The following TCIRG1 variants were observed in gnomAD, a reference collection of about 807,000 sequenced individuals.
TCIRG1 encodes the protein T cell immune regulator 1, ATPase H+ transporting V0 subunit a3.
Under a neutral mutation model 95.5 loss-of-function variants are expected in TCIRG1, and 86 were observed. The ratio of observed to expected loss-of-function variants is 0.90; its 90% CI spans 0.76 to 1.08. The LOEUF (loss-of-function observed/expected upper bound fraction) is 1.08, where lower values mean the gene tolerates loss of function less well. Ranked by LOEUF, TCIRG1 falls within the 50% of genes least tolerant of loss-of-function variation. The pLI is 0.00. For synonymous variants in TCIRG1, 499 were observed against 501.3 expected, an observed-to-expected ratio of 1.00 and a Z score of 0.06; for missense variants, 1,069 against 1,140.2, an observed-to-expected ratio of 0.94 and a Z score of 0.90.
At chr11:68,040,610 G>A (rs1855110146) in intron 1 of TCIRG1, among the ~76,000 whole-genome samples, 2 of 152,202 alleles carry the variant, frequency 1.3e-5, no homozygotes, top group Non-Finnish European at 1.5e-5. Flanking sequence ...CATCCAGGGC[G>A]GGTTGGAGGT....
At chr11:68,050,292 T>A (rs762995152) in intron 18 of TCIRG1, 38 bp downstream of exon 18, 10 of 1,604,918 alleles carry the variant, frequency 6.2e-6, no homozygotes, top group Non-Finnish European at 8.5e-6. Flanking sequence ...CCCCAGCTCC[T>A]GGCTTCTCAC....
intron 10 of TCIRG1, among the ~76,000 whole-genome samples, chr11:68,045,489 A>G (rs1855433779): frequency 1.3e-5 from 2 of 151,874 alleles, no homozygotes; most frequent in Non-Finnish European, 2.9e-5. Flanking sequence ...TGGGAAGCTT[A>G]GTGACTGTTG....
chr11:68,048,108 GC>G (rs1855603004), intron 13 of TCIRG1, 136 bp downstream of exon 13: 2 of 819,526 alleles, frequency 2.4e-6, no homozygotes, highest in Non-Finnish European at 2.1e-6. Flanking sequence ...AGCACAAGAG[GC>G]AGACAAGCCT....
chr11:68,046,105 C>A (rs189268675), intron 10 of TCIRG1, among the ~76,000 whole-genome samples: 98 of 152,338 alleles, frequency 6.4e-4, no homozygotes, highest in African/African-American at 2.3e-3. Flanking sequence ...AAGCACCAGC[C>A]GTCGGGGCAG....
chr11:68,040,892 A>G lies in TCIRG1; in HGVS notation c.-4-376A>G, dbSNP rs185234765. 2.2e-4 allele frequency among the ~76,000 whole-genome samples: 34 copies of G among 152,284 alleles called. 2 individuals are homozygous for G. In the East Asian group the frequency reaches 6.2e-3, roughly 28 times the overall value. Reference sequence around the variant, plus strand: ...CCACCCCCGGGGCAGCCCTGGGCCTAAGTGCCTGGGCCAGTGGGGTCCTGT... The same window carrying G: ...CCACCCCCGGGGCAGCCCTGGGCCTGAGTGCCTGGGCCAGTGGGGTCCTGT... On this transcript the variant is annotated intron_variant, in intron 1 of 19. Coordinates refer to ENST00000265686, the MANE Select transcript of TCIRG1 (RefSeq NM_006019.4).
chr11:68,041,611 C>G (rs1263916514), intron 2 of TCIRG1, 142 bp from the exon 3 acceptor site: 1 of 773,926 alleles, frequency 1.3e-6, no homozygotes, highest in African/African-American at 1.7e-5. Context: ...GTGCTCTGAT[C>G]TGCGTCTTGT....
chr11:68,046,365 A>G (rs983799786), intron 10 of TCIRG1, among the ~76,000 whole-genome samples: 23 of 152,002 alleles, frequency 1.5e-4, no homozygotes, highest in African/African-American at 5.6e-4. Flanking sequence ...AAAGATGATG[A>G]GGTGTTGTCA....
chr11:68,049,175 T>C lies in TCIRG1; in HGVS notation c.1768T>C (p.Tyr590His), dbSNP rs1319607584. 2 of 1,613,926 alleles carry C rather than the reference T, an allele frequency of 1.2e-6. No homozygotes were observed. The highest frequency in any genetic ancestry group is 2.7e-5 in the African/African-American group (2 of 74,960). ...CGGTTACCTCGTGTTCCTAGTCATC[T>C]ACAAGTGGCTGTGTGTCTGGGCTGC... ...LFGYLVFLVI[Y>H]KWLCVWAARA... The change falls in exon 15 of 20, where the codon TAC (tyrosine) becomes CAC (histidine). Residue 590 changes from tyrosine (Y) to histidine (H), a missense_variant. Transcript: ENST00000265686.
chr11:68,039,349 C>T (rs1855052420), intron 1 of TCIRG1, among the ~76,000 whole-genome samples: 1 of 152,266 alleles, frequency 6.6e-6, no homozygotes, highest in African/African-American at 2.4e-5. Flanking sequence ...GCCTGGTGTG[C>T]GCGGAGCTTT....
intron 10 of TCIRG1, chr11:68,046,909 G>A (rs1438512315): frequency 2.2e-6 from 1 of 456,256 alleles, no homozygotes; most frequent in East Asian, 6.9e-5. Flanking sequence ...AACTTATGAA[G>A]TGGTCTGGTG....
intron 10 of TCIRG1, among the ~76,000 whole-genome samples, 181 bp from the exon 11 acceptor site, chr11:68,047,252 G>GCCCCCC (rs3075230): frequency 7.1e-5 from 2 of 28,088 alleles, no homozygotes; most frequent in Non-Finnish European, 1.3e-4. Context: ...CTCGGGTGAT[G>GCCCCCC]CCCCCCCCCC....
chr11:68,050,771 C>A lies in TCIRG1; in HGVS notation c.2445C>A (p.Gly815=), dbSNP rs150788130. 3.7e-6 allele frequency: 6 copies of A among 1,613,768 alleles called. No individual in the cohort carries two copies. The highest frequency in any genetic ancestry group is 1.3e-5 in the African/African-American group (1 of 74,936). The change falls in exon 20 of 20, where the codon GGC becomes GGA. Residue 815 remains glycine, a synonymous_variant. Transcript: ENST00000265686. ...AATTCCAGAACAAGTTCTACTCAGGCACGGGCTACAAGCTGAGTCCCTTCA... is the reference window on the plus strand; with the variant it reads ...AATTCCAGAACAAGTTCTACTCAGGAACGGGCTACAAGCTGAGTCCCTTCA... ...WVEFQNKFYS[G]TGYKLSPFTF...
In TCIRG1 at chr11:68,039,073, G is replaced by C. The variant is rs1482690419; in HGVS notation, c.-51G>C. ...GTTCTGAGTCCCGCCCGGCGTGCGC[G>C]GAGCGGGGCAGCCAGCAGCGGAGGC... On this transcript the variant is annotated 5_prime_UTR_variant, in exon 1 of 20. Coordinates refer to ENST00000265686, the MANE Select transcript of TCIRG1 (RefSeq NM_006019.4). 1 of 152,230 alleles carries C rather than the reference G, an allele frequency of 6.6e-6. No homozygotes were observed. The highest frequency in any genetic ancestry group is 1.5e-5 in the Non-Finnish European group (1 of 68,088). The allele number at this position is 152,230 out of a possible 1,614,324, so 9.4% of individuals were successfully genotyped here.
In TCIRG1 at chr11:68,047,469, C is replaced by G; in HGVS notation, c.1202C>G (p.Ala401Gly). The part of the protein sequence containing the change: ...YTIITFPFLF[A>G]VMFGDVGHGL... ...ATCATCACCTTCCCCTTCCTGTTTG[C>G]TGTGATGTTCGGGGATGTGGGCCAC... is the stretch of plus-strand genomic sequence containing the variant. Residue 401 changes from alanine to glycine, a missense_variant, in exon 11 of 20, where the codon GCT (alanine) becomes GGT (glycine). Transcript: ENST00000265686. 1.2e-6 allele frequency: 2 copies of G among 1,614,092 alleles called. No homozygotes were observed. Among genetic ancestry groups the G allele is most frequent in the Non-Finnish European group, 1.7e-6 (2 of 1,180,006 alleles).
chr11:68,044,800 G>T, intron 9 of TCIRG1, 158 bp from the exon 10 acceptor site: 1 of 913,094 alleles, frequency 1.1e-6, no homozygotes. Flanking sequence ...CCCCCACCAG[G>T]GCAGAGCAGG....
intron 6 of TCIRG1, 22 bp downstream of exon 6, chr11:68,043,519 G>C (rs1855286513): frequency 6.3e-7 from 1 of 1,577,836 alleles, no homozygotes; most frequent in Non-Finnish European, 8.6e-7. Flanking sequence ...GCGCTGGGCT[G>C]GGGGGTCCTG....
At chr11:68,050,451 C>CT (rs774429233) in intron 18 of TCIRG1, 36 bp from the exon 19 acceptor site, 1 of 1,611,756 alleles carries the variant, frequency 6.2e-7, no homozygotes, top group African/African-American at 1.3e-5. Flanking sequence ...CAGGCACCCA[C>CT]TTGCCGTTGG....
chr11:68,047,415 A>T lies in TCIRG1; in HGVS notation c.1166-18A>T. On this transcript the variant is annotated intron_variant, in intron 10 of 19. Transcript: ENST00000265686. ...TGGTGTGTTCGGGGGTTCCCAGCTCACCCACCTCTGCCCACAGCTCCCTAC... is the reference window on the plus strand; with the variant it reads ...TGGTGTGTTCGGGGGTTCCCAGCTCTCCCACCTCTGCCCACAGCTCCCTAC... 6.2e-7 allele frequency: 1 copy of T among 1,612,628 alleles called. No individual in the cohort carries two copies. The highest frequency in any genetic ancestry group is 2.2e-5 in the East Asian group (1 of 44,752).
downstream of TCIRG1, chr11:68,052,870 T>G (rs1855844973): frequency 6.6e-6 from 1 of 152,236 alleles, no homozygotes; most frequent in South Asian, 2.1e-4. Context: ...TGGGTTTTTA[T>G]TTTTTTATTT....
Sources: gnomAD v4.1 joint callset for allele counts (sites outside exome capture counted in the v4.1 genomes callset) on GRCh38, gnomAD v4.1.1 for gene constraint, MANE v1.5 for transcripts, NCBI Gene and HGNC (gene_info 2026-07-23, HGNC 2026-07-21) for gene names.